GPR161: variants seen among roughly 807,000 people sequenced by gnomAD.
The protein encoded by GPR161 is G protein-coupled receptor 161.
Under a neutral mutation model 39.2 loss-of-function variants are expected in GPR161, and 25 were observed. That is an observed-to-expected ratio of 0.64 (90% CI 0.47 to 0.89). The LOEUF (loss-of-function observed/expected upper bound fraction) is 0.89. Ranked by LOEUF, GPR161 falls within the 40% of genes least tolerant of loss-of-function variation. The pLI, the probability that GPR161 is intolerant of heterozygous loss-of-function variation, is 0.00. For synonymous variants in GPR161, 286 were observed against 276.6 expected (o/e 1.03, Z -0.34); for missense variants, 547 against 677.8 (o/e 0.81, Z 2.14).
intron 1 of GPR161, chr1:168,136,256 C>A: frequency 1.4e-6 from 2 of 1,399,312 alleles, no homozygotes; most frequent in East Asian, 6.0e-5. Context: ...AGGCTGCTCA[C>A]CTGGTCCTCA....
chr1:168,099,654 G>C (rs1038382792), intron 2 of GPR161, among the ~76,000 whole-genome samples: 4 of 152,128 alleles, frequency 2.6e-5, no homozygotes, highest in African/African-American at 9.7e-5. Context: ...GGGAGTTCCA[G>C]TGTGACATGA....
rs575461446 is a variant in GPR161, at chr1:168,130,983, G to A, written c.-45+5756C>T. Among the ~76,000 whole-genome samples the A allele has an allele frequency of 9.9e-5, 15 of 152,252 alleles. No homozygotes were observed. The South Asian group carries it at 3.1e-3, about 32-fold the overall frequency. ...TACACTTTCTGACTGTGTCACCATG[G>A]GTGTATTAATGAACATGTCTGAGCT... On this transcript the variant is annotated intron_variant, in intron 1 of 5. Coordinates refer to ENST00000682931, the MANE Select transcript of GPR161 (RefSeq NM_001375883.1).
chr1:168,087,808 A>C, intron 4 of GPR161, 104 bp from the exon 5 acceptor site: 1 of 1,195,660 alleles, frequency 8.4e-7, no homozygotes, highest in East Asian at 2.5e-5. Flanking sequence ...CCGTTCATCC[A>C]AACCCATCAT....
chr1:168,079,989 C>T lies in GPR161; in HGVS notation c.*5542G>A, dbSNP rs1693953153. 6.6e-6 allele frequency: 1 copy of T among 152,164 alleles called. No homozygotes were observed. Among genetic ancestry groups the T allele is most frequent in the Non-Finnish European group, 1.5e-5 (1 of 68,026 alleles). The allele number at this position is 152,164 out of a possible 1,614,324, so 9.4% of individuals were successfully genotyped here. On this transcript the variant is annotated 3_prime_UTR_variant, in exon 6 of 6. Transcript: ENST00000682931. ...GAAAATGCTTGCTGAGAGAAATGAA[C>T]ATAGCTTTGTGTATTGCATTCTAAA...
At chr1:168,096,133 CAAAAAAAAAAAA>C (rs58096092) in intron 3 of GPR161, among the ~76,000 whole-genome samples, 42 of 44,780 alleles carry the variant, frequency 9.4e-4, no homozygotes, top group African/African-American at 3.0e-3. Flanking sequence ...GACCCTGTCT[CAAAAAAAAAAAA>C]AAAAAAAAAA....
At chr1:168,124,764 G>C (rs995686344) in intron 1 of GPR161, among the ~76,000 whole-genome samples, 1 of 152,154 alleles carries the variant, frequency 6.6e-6, no homozygotes, top group Admixed American at 6.6e-5. Flanking sequence ...TGGGTCATGG[G>C]GGCAGGCTTG....
At chr1:168,129,832 G>A (rs777311280) in intron 1 of GPR161, among the ~76,000 whole-genome samples, 1 of 152,192 alleles carries the variant, frequency 6.6e-6, no homozygotes, top group Non-Finnish European at 1.5e-5. Flanking sequence ...CAGGGCTGGG[G>A]TGGGCAATGC....
chr1:168,119,206 A>G, intron 1 of GPR161, among the ~76,000 whole-genome samples: 1 of 115,724 alleles, frequency 8.6e-6, no homozygotes, highest in South Asian at 2.4e-4. Flanking sequence ...ATATATATAT[A>G]TATGTATACA....
intron 4 of GPR161, chr1:168,088,619 G>A (rs1036730585): frequency 6.6e-6 from 1 of 152,214 alleles, no homozygotes; most frequent in African/African-American, 2.4e-5. Context: ...TAAACCTGGG[G>A]TCATCATTCA....
At chr1:168,105,907 C>G (rs1026997917) in intron 1 of GPR161, among the ~76,000 whole-genome samples, 1 of 152,338 alleles carries the variant, frequency 6.6e-6, no homozygotes, top group African/African-American at 2.4e-5. Flanking sequence ...TTTCCACGAT[C>G]AAGACAAAAA....
chr1:168,128,098 T>C (rs1032232595), intron 1 of GPR161, among the ~76,000 whole-genome samples: 4 of 152,186 alleles, frequency 2.6e-5, no homozygotes, highest in African/African-American at 7.2e-5. Flanking sequence ...TACCTCCACC[T>C]GTAACTGTGG....
intron 4 of GPR161, 197 bp from the exon 5 acceptor site, chr1:168,087,901 T>G: frequency 1.9e-6 from 1 of 522,068 alleles, no homozygotes; most frequent in Non-Finnish European, 3.3e-6. Context: ...AGACAGCCGG[T>G]GGGGCTGCGT....
rs374639807 is a variant in GPR161 at position 168,109,407 on chromosome 1, T to A, written c.-44-4513A>T. ...CTGTAACCAGAGGGTATTAGATCTA[T>A]TATAGTTTAAGTCCCCTAGGGCAGA... On this transcript the variant is annotated intron_variant, in intron 1 of 5. Transcript: ENST00000682931. 2.6e-5 allele frequency among the ~76,000 whole-genome samples: 4 copies of A among 152,246 alleles called. No individual in the cohort carries two copies. In the East Asian group the frequency reaches 7.7e-4, roughly 29 times the overall value.
At chr1:168,125,674 A>G (rs1210354917) in intron 1 of GPR161, among the ~76,000 whole-genome samples, 1 of 150,980 alleles carries the variant, frequency 6.6e-6, no homozygotes, top group Non-Finnish European at 1.5e-5. Flanking sequence ...CTGGAGTACA[A>G]TGGTGTGATC....
intron 1 of GPR161, among the ~76,000 whole-genome samples, chr1:168,131,156 C>A (rs1698961455): frequency 6.6e-6 from 1 of 152,104 alleles, no homozygotes; most frequent in African/African-American, 2.4e-5. Context: ...AGAGCCTCAC[C>A]ATCTTTTCCC....
chr1:168,086,294 G>A (rs773567985), intron 5 of GPR161, among the ~76,000 whole-genome samples: 1 of 152,108 alleles, frequency 6.6e-6, no homozygotes, highest in Admixed American at 6.5e-5. Context: ...AAGGTTGGAC[G>A]TGACATTACA....
At chr1:168,096,097 G>A (rs143730578) in intron 3 of GPR161, among the ~76,000 whole-genome samples, 5 of 127,742 alleles carry the variant, frequency 3.9e-5, no homozygotes, top group Admixed American at 2.9e-4. Flanking sequence ...TTGTGCCACT[G>A]CACTCCAAGC....
Position 168,086,948 on chromosome 1 carries a change from G to A in GPR161, c.1324+637C>T, listed in dbSNP as rs112825392. Among the ~76,000 whole-genome samples the A allele has an allele frequency of 2.9e-3, 448 of 152,236 alleles. 1 individual carries two copies. The highest frequency in any genetic ancestry group is 0.01 in the African/African-American group (426 of 41,534). ...CTGAAGAGCCTCCTTACATCGGACAGCCCCTGGACTCCACCAAATCCACAG... is the reference window on the plus strand; with the variant it reads ...CTGAAGAGCCTCCTTACATCGGACAACCCCTGGACTCCACCAAATCCACAG... On this transcript the variant is annotated intron_variant, in intron 5 of 5. Transcript: ENST00000682931.
chr1:168,112,606 C>A (rs573725745), intron 1 of GPR161, among the ~76,000 whole-genome samples: 1 of 151,586 alleles, frequency 6.6e-6, no homozygotes, highest in South Asian at 2.1e-4. Flanking sequence ...GCCTGTAATT[C>A]CAGCACTTTG....
Sources: allele counts gnomAD v4.1 joint callset (sites outside exome capture counted in the v4.1 genomes callset), GRCh38; gene constraint gnomAD v4.1.1; transcripts MANE v1.5; gene names NCBI Gene and HGNC (gene_info 2026-07-23, HGNC 2026-07-21).